The following LRRC37A variants were observed in gnomAD, a reference collection of about 807,000 sequenced individuals.
LRRC37A encodes the protein leucine-rich repeat-containing protein 37A.
In LRRC37A, 3 loss-of-function variants were observed where a neutral mutation model predicts 35.4. That is an observed-to-expected ratio of 0.08 (90% confidence interval 0.04 to 0.22). LRRC37A has a LOEUF of 0.22. Among genes scored for constraint, LRRC37A ranks in the 10% least tolerant of loss-of-function variants. The pLI, the probability that LRRC37A is intolerant of heterozygous loss-of-function variation, is 1.00. For missense variants in LRRC37A, 67 were observed against 565.3 expected (o/e 0.12, Z 8.94); for synonymous variants, 23 against 215.0 (o/e 0.11, Z 7.81).
the LRRC37A span, among the ~76,000 whole-genome samples, chr17:46,283,280 G>GA: frequency 6.6e-5 from 10 of 152,214 alleles, no homozygotes; most frequent in South Asian, 2.1e-4. Context: ...TGAGACTTCT[G>GA]AAAAAACTTC....
At chr17:46,285,357 C>G in the LRRC37A span, among the ~76,000 whole-genome samples, 1 of 151,752 alleles carries the variant, frequency 6.6e-6, no homozygotes, top group Admixed American at 6.6e-5. Flanking sequence ...TCTCCTGCCT[C>G]AGCCTCCCTA....
the LRRC37A span, among the ~76,000 whole-genome samples, chr17:46,283,061 T>C: frequency 2.0e-5 from 3 of 152,046 alleles, no homozygotes; most frequent in Admixed American, 6.5e-5. Flanking sequence ...AGAGGTTGTA[T>C]TGAGGTGAGA....
chr17:46,254,675 G>A, the LRRC37A span, among the ~76,000 whole-genome samples: 1 of 151,632 alleles, frequency 6.6e-6, no homozygotes, highest in African/African-American at 2.4e-5. Context: ...CGGAGTAGCT[G>A]GGATTACAGG....
chr17:46,254,464 A>G, the LRRC37A span, among the ~76,000 whole-genome samples: 6 of 151,692 alleles, frequency 4.0e-5, no homozygotes, highest in Admixed American at 3.9e-4. Flanking sequence ...CTTGTTTCCC[A>G]GGCTCCCAGG....
At chr17:46,266,964 C>T in the LRRC37A span, 1 of 155,086 alleles carries the variant, frequency 6.4e-6, no homozygotes, top group African/African-American at 2.4e-5. Flanking sequence ...CCCGCCGGCC[C>T]TGCCCACCCC....
chr17:46,248,121 TAAG>T, the LRRC37A span, among the ~76,000 whole-genome samples: 1 of 151,952 alleles, frequency 6.6e-6, no homozygotes, highest in African/African-American at 2.4e-5. Flanking sequence ...TTACAACACT[TAAG>T]AACATTCTCA....
chr17:46,283,390 T>C, the LRRC37A span, among the ~76,000 whole-genome samples: 1 of 152,258 alleles, frequency 6.6e-6, no homozygotes, highest in Non-Finnish European at 1.5e-5. Context: ...GGCCATCTTA[T>C]GGGCCTATAA....
the LRRC37A span, among the ~76,000 whole-genome samples, chr17:46,264,002 C>T: frequency 6.6e-6 from 1 of 151,968 alleles, no homozygotes. Flanking sequence ...TGGCTCCCAC[C>T]ATCTCTATTA....
At chr17:46,265,784 G>A in the LRRC37A span, among the ~76,000 whole-genome samples, 3 of 152,222 alleles carry the variant, frequency 2.0e-5, no homozygotes, top group African/African-American at 7.2e-5. Context: ...GGCCTCAACA[G>A]GCAACCTTCT....
At chr17:46,259,829 A>G in the LRRC37A span, 1 of 1,559,342 alleles carries the variant, frequency 6.4e-7, no homozygotes, top group African/African-American at 1.4e-5. Flanking sequence ...TGGCACAGCA[A>G]CTGCAGGGTA....
chr17:46,262,326 G>A, the LRRC37A span, among the ~76,000 whole-genome samples: 7 of 152,218 alleles, frequency 4.6e-5, no homozygotes, highest in South Asian at 2.1e-4. Flanking sequence ...GAGCCACTGC[G>A]CCCGGCCGAT....
chr17:46,273,301 TC>T, the LRRC37A span, among the ~76,000 whole-genome samples: 1 of 152,272 alleles, frequency 6.6e-6, no homozygotes, highest in African/African-American at 2.4e-5. Context: ...TTTAAGTATT[TC>T]CATCTTAATA....
the LRRC37A span, among the ~76,000 whole-genome samples, chr17:46,286,860 A>G: frequency 6.6e-6 from 1 of 152,244 alleles, no homozygotes; most frequent in African/African-American, 2.4e-5. Context: ...GTGCCCATTT[A>G]CAATCATTAC....
chr17:46,324,357 TG>T (rs1387058850), intron 7 of LRRC37A, among the ~76,000 whole-genome samples: 7 of 81,984 alleles, frequency 8.5e-5, no homozygotes, highest in African/African-American at 2.5e-4. Flanking sequence ...TTTTCTTAAA[TG>T]GCTTGTGATT....
At chr17:46,268,803 A>T in the LRRC37A span, 2 of 792,506 alleles carry the variant, frequency 2.5e-6, no homozygotes, top group Non-Finnish European at 3.6e-6. Context: ...AAGCTACTCT[A>T]TGAATGACCT....
upstream of LRRC37A, among the ~76,000 whole-genome samples, chr17:46,288,416 C>G (rs772616253): frequency 6.8e-6 from 1 of 148,054 alleles, no homozygotes; most frequent in Non-Finnish European, 1.5e-5. Context: ...TCAAGCAATT[C>G]TCTTGCCTCA....
intron 3 of LRRC37A, 119 bp downstream of exon 3, chr17:46,302,828 GT>G (rs2143592629): frequency 4.2e-6 from 1 of 240,294 alleles, no homozygotes; most frequent in African/African-American, 2.7e-5. Flanking sequence ...AATTCTGTAA[GT>G]TTGTATAGGG....
the LRRC37A span, chr17:46,275,456 T>C: frequency 4.8e-6 from 4 of 834,846 alleles, no homozygotes; most frequent in African/African-American, 1.9e-5. Flanking sequence ...TGAGCACCTT[T>C]CATTTTTGAA....
chr17:46,324,461 C>T (rs2051603486), intron 7 of LRRC37A, among the ~76,000 whole-genome samples: 1 of 78,550 alleles, frequency 1.3e-5, no homozygotes, highest in East Asian at 2.5e-4. Context: ...AAATGATACA[C>T]ATTTAGGTCT....
Sources: allele counts gnomAD v4.1 joint callset (sites outside exome capture counted in the v4.1 genomes callset), GRCh38; gene constraint gnomAD v4.1.1; transcripts MANE v1.5; gene names NCBI Gene and HGNC (gene_info 2026-07-23, HGNC 2026-07-21).